The following PDE11A variants were observed in gnomAD, a reference collection of about 807,000 sequenced individuals.
The protein encoded by PDE11A is phosphodiesterase 11A.
In PDE11A, 100 loss-of-function variants were observed where a neutral mutation model predicts 100.5. The ratio of observed to expected loss-of-function variants is 1.00; its 90% CI spans 0.85 to 1.18. PDE11A has a LOEUF of 1.18. Among genes scored for constraint, PDE11A ranks in the 50% most tolerant of loss-of-function variants. PDE11A has a pLI of 0.00. For synonymous variants in PDE11A, 381 were observed against 420.8 expected, an observed-to-expected ratio of 0.91 and a Z score of 1.16; for missense variants, 1,141 against 1,152.6, an observed-to-expected ratio of 0.99 and a Z score of 0.15.
At chr2:177,767,326 T>C (rs370733665) in intron 10 of PDE11A, among the ~76,000 whole-genome samples, 76 of 152,012 alleles carry the variant, frequency 5.0e-4, no homozygotes, top group African/African-American at 1.7e-3. Context: ...AGCAAGACTC[T>C]GTCTCAAAAA....
chr2:178,014,393 G>C lies in PDE11A; in HGVS notation c.980C>G (p.Pro327Arg), dbSNP rs774905208. ...AATCTCACCATCACTGCTTCGGATAGGCATGCACAATAATGATTTTGTCTT... is the reference window on the plus strand; with the variant it reads ...AATCTCACCATCACTGCTTCGGATACGCATGCACAATAATGATTTTGTCTT... The part of the protein sequence containing the change: ...GYKTKSLLCM[P>R]IRSSDGEIIG... The change falls in exon 2 of 20, where the codon CCT becomes CGT. Residue 327 changes from proline to arginine, a missense_variant. Pro to Arg is a moderately radical substitution (Grantham distance 103). Coordinates refer to ENST00000286063, the MANE Select transcript of PDE11A (RefSeq NM_016953.4). 5.0e-6 allele frequency: 8 copies of C among 1,611,200 alleles called. No homozygotes were observed. The African/African-American group carries it at 9.3e-5, about 19-fold the overall frequency.
At chr2:177,698,127 G>A (rs2081143043) in intron 14 of PDE11A, among the ~76,000 whole-genome samples, 1 of 152,170 alleles carries the variant, frequency 6.6e-6, no homozygotes, top group Admixed American at 6.5e-5. Flanking sequence ...CCATTAAGGT[G>A]CACTTTGATG....
chr2:177,671,160 G>T lies in PDE11A; in HGVS notation c.2488-1593C>A, dbSNP rs968592922. Among the ~76,000 whole-genome samples, 3 of 152,142 alleles carry T rather than the reference G, an allele frequency of 2.0e-5. No individual in the cohort carries two copies. The East Asian group carries it at 5.8e-4, about 29-fold the overall frequency. On this transcript the variant is annotated intron_variant, in intron 17 of 19. Coordinates refer to ENST00000286063, the MANE Select transcript of PDE11A (RefSeq NM_016953.4). ...AAGAATGTAAATGTGCACATCAGGC[G>T]CCTCAAGGTGGGAGTCCTGCATAGG...
In PDE11A at chr2:177,627,521, T is replaced by C. The variant is rs1357708806; in HGVS notation, c.*1886A>G. 2 of 152,114 alleles carry C rather than the reference T, an allele frequency of 1.3e-5. No homozygotes were observed. Among genetic ancestry groups the C allele is most frequent in the Admixed American group, 6.6e-5 (1 of 15,258 alleles). 9.4% of individuals were successfully genotyped at this position (152,114 alleles called of 1,614,324 possible). On this transcript the variant is annotated 3_prime_UTR_variant, in exon 20 of 20. Coordinates refer to ENST00000286063, the MANE Select transcript of PDE11A (RefSeq NM_016953.4). ...GAACATGGCCCCTATTTCTTTAATA[T>C]CTGTAAAGTTAATGATTGATAATGA...
chr2:178,100,307 A>G (rs1285779267), intron 2 of PDE11A, among the ~76,000 whole-genome samples: 1 of 152,232 alleles, frequency 6.6e-6, no homozygotes, highest in East Asian at 1.9e-4. Context: ...TTGTAAAACT[A>G]TATTCTATAC....
rs1251585634 is a variant in PDE11A, at chr2:177,982,356, A to G, written c.1071+31946T>C. Among the ~76,000 whole-genome samples the G allele has an allele frequency of 2.0e-5, 3 of 150,786 alleles. 1 individual carries two copies. The highest frequency in any genetic ancestry group is 4.5e-5 in the Non-Finnish European group (3 of 67,340). On this transcript the variant is annotated intron_variant, in intron 2 of 19. Coordinates refer to ENST00000286063, the MANE Select transcript of PDE11A (RefSeq NM_016953.4). The stretch of plus-strand genomic sequence containing the variant: ...TTCTTCATATGTTTTACAAAATGAT[A>G]TATATTTTTGCCCCAAACTGCAACA...
intron 13 of PDE11A, among the ~76,000 whole-genome samples, chr2:177,703,354 G>A (rs564861691): frequency 6.0e-4 from 92 of 152,274 alleles, no homozygotes; most frequent in African/African-American, 2.1e-3. Context: ...GAGAAGTTAA[G>A]TAACTTTTCC....
chr2:177,851,377 G>T (rs1177347503), intron 5 of PDE11A, among the ~76,000 whole-genome samples: 1 of 151,930 alleles, frequency 6.6e-6, no homozygotes, highest in Non-Finnish European at 1.5e-5. Context: ...CACACACCAG[G>T]CCTGTCGTGG....
chr2:178,094,322 A>G (rs2087461301), intron 2 of PDE11A, among the ~76,000 whole-genome samples: 1 of 152,084 alleles, frequency 6.6e-6, no homozygotes, highest in South Asian at 2.1e-4. Flanking sequence ...TGAGCTCAGG[A>G]GTTCAAGACC....
At chr2:177,717,341 C>T (rs2081454321) in intron 12 of PDE11A, among the ~76,000 whole-genome samples, 1 of 151,266 alleles carries the variant, frequency 6.6e-6, no homozygotes, top group Non-Finnish European at 1.5e-5. Flanking sequence ...GCTATCCATT[C>T]AGGCCTGCAC....
At chr2:177,771,104 T>C (rs974018043) in intron 9 of PDE11A, among the ~76,000 whole-genome samples, 8 of 152,182 alleles carry the variant, frequency 5.3e-5, no homozygotes, top group Admixed American at 3.3e-4. Flanking sequence ...GCTGGGATTA[T>C]AGGCATGAGC....
chr2:177,940,304 G>A (rs929759893), intron 2 of PDE11A, among the ~76,000 whole-genome samples: 4 of 152,060 alleles, frequency 2.6e-5, no homozygotes, highest in African/African-American at 9.7e-5. Flanking sequence ...CAGAGGTTGA[G>A]TATCTAAATC....
chr2:177,928,517 C>CAGAGAG (rs144037679), intron 2 of PDE11A, among the ~76,000 whole-genome samples: 1 of 150,646 alleles, frequency 6.6e-6, no homozygotes, highest in African/African-American at 2.4e-5. Flanking sequence ...GAAAGAGAGA[C>CAGAGAG]AGAGAGAGAG....
chr2:177,806,240 G>A (rs1256391219), intron 9 of PDE11A, among the ~76,000 whole-genome samples: 2 of 152,160 alleles, frequency 1.3e-5, no homozygotes, highest in Non-Finnish European at 2.9e-5. Flanking sequence ...TGGAGTTGAT[G>A]CCAAAGAGAA....
chr2:177,851,637 C>G (rs574352643), intron 5 of PDE11A, among the ~76,000 whole-genome samples: 3 of 152,272 alleles, frequency 2.0e-5, no homozygotes, highest in East Asian at 1.9e-4. Context: ...AAGGCTACTG[C>G]GGAAGAGGCC....
chr2:178,041,749 G>A (rs918355089), intron 1 of PDE11A, among the ~76,000 whole-genome samples: 2 of 152,054 alleles, frequency 1.3e-5, no homozygotes, highest in African/African-American at 4.8e-5. Flanking sequence ...CCAAGGCATC[G>A]AAAGCACTAA....
chr2:177,679,589 T>C (rs1049182975), intron 16 of PDE11A, among the ~76,000 whole-genome samples: 13 of 152,310 alleles, frequency 8.5e-5, no homozygotes, highest in Admixed American at 2.6e-4. Context: ...TATATTCATA[T>C]AATTACTCAT....
At chr2:177,666,716 C>G (rs1216673259) in intron 18 of PDE11A, among the ~76,000 whole-genome samples, 1 of 127,440 alleles carries the variant, frequency 7.8e-6, no homozygotes, top group African/African-American at 2.8e-5. Context: ...TATGTCTGTT[C>G]AGATCCTTTG....
At chr2:177,832,529 G>C (rs1400589458) in intron 6 of PDE11A, among the ~76,000 whole-genome samples, 1 of 151,754 alleles carries the variant, frequency 6.6e-6, no homozygotes, top group Non-Finnish European at 1.5e-5. Flanking sequence ...GATCATATGA[G>C]TTAATACTCC....
Sources: gnomAD v4.1 joint callset for allele counts (sites outside exome capture counted in the v4.1 genomes callset) on GRCh38, gnomAD v4.1.1 for gene constraint, MANE v1.5 for transcripts, NCBI Gene and HGNC (gene_info 2026-07-23, HGNC 2026-07-21) for gene names.